TMEM243: variants seen among roughly 807,000 people sequenced by gnomAD.
TMEM243 encodes MDR1 and mitochondrial taxol resistance associated.
In TMEM243, 20 loss-of-function variants were observed where a neutral mutation model predicts 15.0. The ratio of observed to expected loss-of-function variants is 1.33; its 90% confidence interval spans 0.94 to 1.93. TMEM243 has a LOEUF of 1.93. Ranked by LOEUF, TMEM243 falls within the 30% of genes most tolerant of loss-of-function variation. The pLI is 0.00. For synonymous variants in TMEM243, 72 were observed against 52.7 expected (o/e 1.37, Z -1.59); for missense variants, 156 against 142.1 (o/e 1.10, Z -0.50).
intron 1 of TMEM243, among the ~76,000 whole-genome samples, chr7:87,216,367 G>T (rs1160002031): frequency 2.6e-5 from 4 of 151,688 alleles, no homozygotes; most frequent in Admixed American, 2.6e-4. Context: ...AATTGCTTGA[G>T]CCCAGGAGGT....
intron 1 of TMEM243, 99 bp downstream of exon 1, chr7:87,219,327 T>C (rs1391887258): frequency 1.2e-5 from 14 of 1,136,344 alleles, no homozygotes; most frequent in South Asian, 3.8e-5. Context: ...TCCCTAAAAG[T>C]GCTTTTAGGA....
In TMEM243 at chr7:87,219,523, C is replaced by T; in HGVS notation, c.-20G>A. On this transcript the variant is annotated 5_prime_UTR_variant, in exon 1 of 4. Coordinates refer to ENST00000257637, the MANE Select transcript of TMEM243 (RefSeq NM_024315.4). ...CTCCATTTTGGGGTTTCTTCACTTT[C>T]CCCAAGCCACTTAAAAGCAAGACAG... 1 of 1,612,956 alleles carries T rather than the reference C, an allele frequency of 6.2e-7. No homozygotes were observed. Among genetic ancestry groups the T allele is most frequent in the Non-Finnish European group, 8.5e-7 (1 of 1,178,968 alleles).
intron 1 of TMEM243, among the ~76,000 whole-genome samples, chr7:87,213,969 G>GA (rs1428315109): frequency 6.6e-6 from 1 of 152,166 alleles, no homozygotes; most frequent in Non-Finnish European, 1.5e-5. Context: ...TCACATCCAA[G>GA]AAGGAATAAA....
intron 1 of TMEM243, among the ~76,000 whole-genome samples, chr7:87,212,834 G>T (rs1316539750): frequency 1.3e-5 from 2 of 152,102 alleles, no homozygotes; most frequent in Admixed American, 6.6e-5. Context: ...GGCTAAAAAG[G>T]CTACAAAAAT....
At chr7:87,211,081 T>TG (rs1802709882) in intron 1 of TMEM243, among the ~76,000 whole-genome samples, 1 of 152,170 alleles carries the variant, frequency 6.6e-6, no homozygotes, top group Non-Finnish European at 1.5e-5. Context: ...GCCTGTAGTG[T>TG]GGGGGCTGCT....
chr7:87,200,898 CTA>C (rs1274272834), intron 1 of TMEM243, among the ~76,000 whole-genome samples: 2 of 152,204 alleles, frequency 1.3e-5, no homozygotes, highest in Non-Finnish European at 2.9e-5. Context: ...CTCAAAAAGC[CTA>C]TTAGCAAAGT....
At chr7:87,198,102 C>T (rs1801494800) in intron 2 of TMEM243, 57 bp from the exon 3 acceptor site, 8 of 1,434,450 alleles carry the variant, frequency 5.6e-6, no homozygotes, top group Middle Eastern at 1.8e-4. Context: ...TTGGTAATTA[C>T]CAACTGGAGT....
At chr7:87,212,852 C>T (rs760921863) in intron 1 of TMEM243, among the ~76,000 whole-genome samples, 1 of 152,174 alleles carries the variant, frequency 6.6e-6, no homozygotes, top group African/African-American at 2.4e-5. Flanking sequence ...AATGAGGAAA[C>T]TGGCACCTAC....
chr7:87,198,098 A>G (rs1801494147), intron 2 of TMEM243, 53 bp from the exon 3 acceptor site: 2 of 1,474,056 alleles, frequency 1.4e-6, no homozygotes. Context: ...AGACTTGGTA[A>G]TTACCAACTG....
chr7:87,209,910 CAG>C (rs367685559), intron 1 of TMEM243, among the ~76,000 whole-genome samples: 2,968 of 126,178 alleles, frequency 0.024, 61 homozygotes, highest in East Asian at 0.046. Flanking sequence ...GAGTGAGAGA[CAG>C]AGAGAGAGGA....
At chr7:87,200,332 G>C (rs1801693196) in intron 1 of TMEM243, among the ~76,000 whole-genome samples, 1 of 152,176 alleles carries the variant, frequency 6.6e-6, no homozygotes, top group African/African-American at 2.4e-5. Context: ...CAGCACACAG[G>C]AGCCTGAACT....
At chr7:87,201,699 T>C (rs1396190785) in intron 1 of TMEM243, among the ~76,000 whole-genome samples, 3 of 152,238 alleles carry the variant, frequency 2.0e-5, no homozygotes, top group Non-Finnish European at 4.4e-5. Flanking sequence ...CTTTGCTGTT[T>C]ATGGAGTAAA....
chr7:87,213,660 G>A (rs1802913483), intron 1 of TMEM243, among the ~76,000 whole-genome samples: 1 of 152,134 alleles, frequency 6.6e-6, no homozygotes, highest in Admixed American at 6.5e-5. Context: ...CAACAAAAAT[G>A]GCATGAAGTA....
chr7:87,209,667 AGAG>A (rs1802525050), intron 1 of TMEM243, among the ~76,000 whole-genome samples: 1 of 2,008 alleles, frequency 5.0e-4, no homozygotes, highest in Admixed American at 8.3e-3. Flanking sequence ...AGAGCGAGAG[AGAG>A]CGAGAGCGAG....
At chr7:87,210,025 GA>G (rs1802629854) in intron 1 of TMEM243, among the ~76,000 whole-genome samples, 1 of 105,920 alleles carries the variant, frequency 9.4e-6, no homozygotes, top group African/African-American at 3.6e-5. Flanking sequence ...AGAGGAGGGG[GA>G]GGAGGTGACA....
upstream of TMEM243, among the ~76,000 whole-genome samples, chr7:87,219,915 G>A (rs2129243605): frequency 6.6e-6 from 1 of 152,334 alleles, no homozygotes; most frequent in South Asian, 2.1e-4. Flanking sequence ...CGCCCCGGGA[G>A]AGACTCCCAC....
chr7:87,219,204 G>T (rs1803314479), intron 1 of TMEM243, among the ~76,000 whole-genome samples: 1 of 152,204 alleles, frequency 6.6e-6, no homozygotes, highest in African/African-American at 2.4e-5. Context: ...CGAACTTTCT[G>T]AACTTTTCTC....
chr7:87,215,212 T>A (rs1463154946), intron 1 of TMEM243, among the ~76,000 whole-genome samples: 2 of 152,314 alleles, frequency 1.3e-5, no homozygotes, highest in South Asian at 2.1e-4. Flanking sequence ...TCACCCAGGC[T>A]GGAGTTCAGT....
Position 87,198,025 on chromosome 7 carries a change from A to T in TMEM243, c.150T>A (p.Phe50Leu). 6.2e-7 allele frequency: 1 copy of T among 1,612,672 alleles called. No individual in the cohort carries two copies. The highest frequency in any genetic ancestry group is 8.5e-7 in the Non-Finnish European group (1 of 1,179,084). The change falls in exon 3 of 4, where the codon TTT becomes TTA. Residue 50 changes from phenylalanine to leucine, a missense_variant. Phe to Leu is a conservative substitution (Grantham distance 22). Transcript: ENST00000257637. ...GTTTTGGAGGTAGTTGAGGGAAAAC[A>T]AAAGCACTTATCAGCGTTACCTGTA... Reference protein sequence around the residue: ...LLILVTLISAFVFPQLPPKPL... With the variant: ...LLILVTLISALVFPQLPPKPL...
Sources: allele counts gnomAD v4.1 joint callset (sites outside exome capture counted in the v4.1 genomes callset), GRCh38; gene constraint gnomAD v4.1.1; transcripts MANE v1.5; gene names NCBI Gene and HGNC (gene_info 2026-07-23, HGNC 2026-07-21).